The following PLEKHA5 variants were observed in gnomAD, a reference collection of about 807,000 sequenced individuals.
PLEKHA5 encodes pleckstrin homology domain containing A5.
Under a neutral mutation model 181.9 loss-of-function variants are expected in PLEKHA5, and 55 were observed. That is an observed-to-expected ratio of 0.30 (90% CI 0.24 to 0.38). The LOEUF (loss-of-function observed/expected upper bound fraction) is 0.38. Among genes scored for constraint, PLEKHA5 ranks in the 10% least tolerant of loss-of-function variants. The probability of loss-of-function intolerance (pLI) is 1.00; values close to 1 mark genes in which losing one functional copy is unlikely to be tolerated. For synonymous variants in PLEKHA5, 535 were observed against 529.4 expected (o/e 1.01, Z -0.15); for missense variants, 1,432 against 1,549.5 (o/e 0.92, Z 1.27).
Position 19,260,955 on chromosome 12 carries a change from A to G in PLEKHA5, c.544A>G (p.Thr182Ala), listed in dbSNP as rs1307065689. The change falls in exon 7 of 32, where the codon ACT becomes GCT. Residue 182 changes from threonine to alanine, a missense_variant. By Grantham distance (58) the Thr-to-Ala change is moderately conservative (BLOSUM62 0). Around this residue, in one of 2 missense-constraint regions of PLEKHA5, gnomAD observed 289 missense variants for 381.1 expected, o/e 0.76. Coordinates refer to ENST00000429027, the MANE Select transcript of PLEKHA5 (RefSeq NM_001256470.2). ...RRGWLYKQDS[T>A]GMKLWKKRWF... ...ATATGCTGATTTAATCCAGGACAGT[A>G]CTGGCATGAAATTGTGGAAGAAACG... 10 of 1,592,520 alleles carry G rather than the reference A, an allele frequency of 6.3e-6. No individual in the cohort carries two copies. Among genetic ancestry groups the G allele is most frequent in the Non-Finnish European group, 8.6e-6 (10 of 1,164,012 alleles).
chr12:19,199,408 G>A (rs1329774743), intron 3 of PLEKHA5, among the ~76,000 whole-genome samples: 1 of 152,146 alleles, frequency 6.6e-6, no homozygotes, highest in Non-Finnish European at 1.5e-5. Flanking sequence ...GTACTGAGGA[G>A]TGTCACTGGT....
intron 11 of PLEKHA5, among the ~76,000 whole-genome samples, chr12:19,281,813 ACT>A (rs1024497845): frequency 1.3e-5 from 2 of 151,434 alleles, no homozygotes; most frequent in African/African-American, 4.9e-5. Flanking sequence ...ATGGAGTCTC[ACT>A]CTGTCGCCCA....
At chr12:19,169,214 T>G (rs1345321085) in intron 3 of PLEKHA5, among the ~76,000 whole-genome samples, 2 of 152,020 alleles carry the variant, frequency 1.3e-5, no homozygotes, top group Non-Finnish European at 2.9e-5. Flanking sequence ...AGTTTTAATA[T>G]TTGAATTTAA....
At chr12:19,370,973 A>C (rs1661815106) in intron 31 of PLEKHA5, 1 of 149,298 alleles carries the variant, frequency 6.7e-6, no homozygotes, top group South Asian at 2.1e-4. Flanking sequence ...TTTGATTTTC[A>C]CATTCTCAAA....
chr12:19,376,369 T>TA lies in PLEKHA5; in HGVS notation c.*851dup, dbSNP rs2095705410. The stretch of plus-strand genomic sequence containing the variant: ...AATGTTCATATCTCATTTCTTTTTT[T>TA]ATCATGTTAAATAAATGTTGATGTT... On this transcript the variant is annotated 3_prime_UTR_variant, in exon 32 of 32. Coordinates refer to ENST00000429027, the MANE Select transcript of PLEKHA5 (RefSeq NM_001256470.2). The TA allele has an allele frequency of 1.3e-5, 2 of 152,666 alleles. No individual in the cohort carries two copies. Among genetic ancestry groups the TA allele is most frequent in the South Asian group, 4.1e-4 (2 of 4,832 alleles). 9.5% of individuals were successfully genotyped at this position (152,666 alleles called of 1,614,324 possible). A position where few individuals can be genotyped will look rare whatever the true frequency, so the allele number is the denominator to read the frequency against.
chr12:19,253,997 C>A lies in PLEKHA5; in HGVS notation c.285C>A (p.Asp95Glu). Reference protein sequence around the residue: ...KHPVTGQPSQDNCIFVVNEQT... With the variant: ...KHPVTGQPSQENCIFVVNEQT... ...CAGTCACAGGACAACCATCACAGGA[C>A]AATTGTATTTTTGTAGTGAATGAAC... Residue 95 changes from aspartate to glutamate, a missense_variant, in exon 4 of 32, where the codon GAC (aspartate) becomes GAA (glutamate). By Grantham distance (45) the Asp-to-Glu change is conservative (BLOSUM62 2). Transcript: ENST00000429027. 6.2e-7 allele frequency: 1 copy of A among 1,605,178 alleles called. No homozygotes were observed. Among genetic ancestry groups the A allele is most frequent in the South Asian group, 1.1e-5 (1 of 89,748 alleles).
At chr12:19,144,450 C>T (rs540971448) in intron 3 of PLEKHA5, among the ~76,000 whole-genome samples, 1 of 151,938 alleles carries the variant, frequency 6.6e-6, no homozygotes, top group Non-Finnish European at 1.5e-5. Context: ...GAGGAATTAT[C>T]CTAGGAGAAC....
At chr12:19,203,924 A>AG (rs2054785007) in intron 3 of PLEKHA5, among the ~76,000 whole-genome samples, 1 of 152,190 alleles carries the variant, frequency 6.6e-6, no homozygotes, top group East Asian at 1.9e-4. Context: ...TGAGTACTGT[A>AG]GGTAACTTAC....
At chr12:19,305,621 G>A (rs552147448) in intron 15 of PLEKHA5, among the ~76,000 whole-genome samples, 1 of 151,574 alleles carries the variant, frequency 6.6e-6, no homozygotes, top group East Asian at 1.9e-4. Flanking sequence ...CACTTTGGGA[G>A]GCCAAGGCGG....
intron 3 of PLEKHA5, among the ~76,000 whole-genome samples, chr12:19,235,299 A>G (rs2061248430): frequency 6.6e-6 from 1 of 152,210 alleles, no homozygotes; most frequent in Non-Finnish European, 1.5e-5. Flanking sequence ...TGCGTGCTAG[A>G]TTTAGTTGTA....
intron 21 of PLEKHA5, among the ~76,000 whole-genome samples, chr12:19,339,055 T>C (rs1288111224): frequency 6.6e-6 from 1 of 151,932 alleles, no homozygotes; most frequent in African/African-American, 2.4e-5. Flanking sequence ...CTTTTTTTTT[T>C]TTGAGACAGA....
At chr12:19,227,231 C>T (rs2059824241) in intron 3 of PLEKHA5, among the ~76,000 whole-genome samples, 1 of 150,944 alleles carries the variant, frequency 6.6e-6, no homozygotes. Context: ...GCTATCCACT[C>T]TTCCTTCCAA....
At chr12:19,306,598 G>A in intron 15 of PLEKHA5, 2 of 865,142 alleles carry the variant, frequency 2.3e-6, no homozygotes, top group East Asian at 2.5e-5. Context: ...CTAGCGGCGG[G>A]CCCAGTAGCG....
At chr12:19,352,720 G>T (rs1298064619) in intron 25 of PLEKHA5, among the ~76,000 whole-genome samples, 1 of 150,048 alleles carries the variant, frequency 6.7e-6, no homozygotes, top group Non-Finnish European at 1.5e-5. Flanking sequence ...CTGGCCAAAA[G>T]AGGGCATTTT....
At chr12:19,327,507 A>T (rs1565621768) in intron 20 of PLEKHA5, among the ~76,000 whole-genome samples, 1 of 151,588 alleles carries the variant, frequency 6.6e-6, no homozygotes, top group Non-Finnish European at 1.5e-5. Context: ...CCTTTGTCGG[A>T]TGGGTAGTTT....
intron 10 of PLEKHA5, among the ~76,000 whole-genome samples, chr12:19,270,769 T>C (rs1419590070): frequency 6.6e-6 from 1 of 152,200 alleles, no homozygotes; most frequent in African/African-American, 2.4e-5. Flanking sequence ...ACATATCTTA[T>C]GTAAGAAAGA....
At chr12:19,302,621 T>A (rs1401201389) in intron 15 of PLEKHA5, among the ~76,000 whole-genome samples, 2 of 151,980 alleles carry the variant, frequency 1.3e-5, no homozygotes, top group Non-Finnish European at 2.9e-5. Context: ...GGTCTTGAAC[T>A]CCTGACCTCA....
At chr12:19,155,238 A>G (rs1287906593) in intron 3 of PLEKHA5, among the ~76,000 whole-genome samples, 1 of 152,226 alleles carries the variant, frequency 6.6e-6, no homozygotes, top group Non-Finnish European at 1.5e-5. Flanking sequence ...TATAATATCA[A>G]CTGCTTTACC....
intron 15 of PLEKHA5, among the ~76,000 whole-genome samples, chr12:19,313,081 T>A (rs926961887): frequency 2.6e-5 from 4 of 152,116 alleles, no homozygotes; most frequent in Admixed American, 1.3e-4. Flanking sequence ...ACAACCTTTA[T>A]CGATTTCATC....
Sources: allele counts gnomAD v4.1 joint callset (sites outside exome capture counted in the v4.1 genomes callset), GRCh38; gene constraint gnomAD v4.1.1; regional missense constraint gnomAD v4.1.1; transcripts MANE v1.5; gene names NCBI Gene and HGNC (gene_info 2026-07-23, HGNC 2026-07-21).